ASNS: variants seen among roughly 807,000 people sequenced by gnomAD.
ASNS encodes the protein asparagine synthetase (glutamine-hydrolyzing).
Under a neutral mutation model 62.6 loss-of-function variants are expected in ASNS, and 37 were observed. The ratio of observed to expected loss-of-function variants is 0.59; its 90% CI spans 0.45 to 0.78. ASNS has a LOEUF of 0.78. Among genes scored for constraint, ASNS ranks in the 30% least tolerant of loss-of-function variants. The pLI is 0.00. For missense variants in ASNS, 520 were observed against 682.4 expected (o/e 0.76, Z 2.65); for synonymous variants, 207 against 237.9 (o/e 0.87, Z 1.19).
the ASNS span, among the ~76,000 whole-genome samples, chr7:97,879,365 C>G: frequency 6.6e-6 from 1 of 152,196 alleles, no homozygotes; most frequent in African/African-American, 2.4e-5. Flanking sequence ...AGGTAACCTA[C>G]AGAATGGGAG....
intron 10 of ASNS, among the ~76,000 whole-genome samples, chr7:97,853,742 ACTAG>A (rs1791299219): frequency 6.6e-6 from 1 of 152,210 alleles, no homozygotes. Flanking sequence ...CTCAGTGTTT[ACTAG>A]GTGAGACCAT....
chr7:97,884,411 T>C, the ASNS span, among the ~76,000 whole-genome samples: 8 of 152,106 alleles, frequency 5.3e-5, no homozygotes, highest in Non-Finnish European at 8.8e-5. Flanking sequence ...TAGCCAGGTG[T>C]GGTGGATGGC....
the ASNS span, among the ~76,000 whole-genome samples, chr7:97,920,676 A>T: frequency 6.6e-6 from 1 of 152,274 alleles, no homozygotes; most frequent in East Asian, 1.9e-4. Context: ...CTGTCACCTC[A>T]GTGCAGTTGC....
chr7:97,876,617 G>A (rs1432854089), upstream of ASNS, among the ~76,000 whole-genome samples: 14 of 151,764 alleles, frequency 9.2e-5, no homozygotes, highest in Admixed American at 2.6e-4. Flanking sequence ...TAGTAGAGAC[G>A]GGGTTTCACC....
At chr7:97,884,770 C>A in the ASNS span, among the ~76,000 whole-genome samples, 9 of 152,102 alleles carry the variant, frequency 5.9e-5, no homozygotes, top group African/African-American at 2.2e-4. Flanking sequence ...TTAAAGTGAA[C>A]AAATCAATGG....
At chr7:97,854,725 A>G in intron 9 of ASNS, 45 bp from the exon 10 acceptor site, 3 of 1,612,908 alleles carry the variant, frequency 1.9e-6, no homozygotes, top group Non-Finnish European at 2.5e-6. Flanking sequence ...TTTGGCACAC[A>G]AAGCAGTTTT....
At chr7:97,928,237 T>C in the ASNS span, 1 of 1,528,252 alleles carries the variant, frequency 6.5e-7, no homozygotes, top group Non-Finnish European at 8.7e-7. Flanking sequence ...TCCTCCCTCC[T>C]GGGCCGGCCA....
At chr7:97,881,995 G>A in the ASNS span, among the ~76,000 whole-genome samples, 3 of 152,018 alleles carry the variant, frequency 2.0e-5, no homozygotes, top group African/African-American at 4.8e-5. Context: ...GGGATTACAG[G>A]CATGTACCAC....
chr7:97,859,627 G>C (rs1198358719), intron 4 of ASNS, among the ~76,000 whole-genome samples: 1 of 152,042 alleles, frequency 6.6e-6, no homozygotes, highest in East Asian at 1.9e-4. Context: ...CTAACTTTTC[G>C]TAATTCAAAG....
the ASNS span, among the ~76,000 whole-genome samples, chr7:97,907,285 TA>T: frequency 6.6e-6 from 1 of 152,264 alleles, no homozygotes; most frequent in African/African-American, 2.4e-5. Flanking sequence ...GTTTCTCTTT[TA>T]CTGTATTTAT....
At chr7:97,895,962 T>A in the ASNS span, among the ~76,000 whole-genome samples, 1 of 143,102 alleles carries the variant, frequency 7.0e-6, no homozygotes, top group Admixed American at 6.8e-5. Context: ...ATAAAATACC[T>A]AGGAATAAAC....
the ASNS span, among the ~76,000 whole-genome samples, chr7:97,888,574 G>A: frequency 7.2e-5 from 11 of 152,074 alleles, no homozygotes; most frequent in Non-Finnish European, 1.2e-4. Context: ...AAATATTACC[G>A]TTTGCATCTT....
intron 4 of ASNS, among the ~76,000 whole-genome samples, chr7:97,861,696 C>A (rs1296268534): frequency 6.6e-6 from 1 of 152,162 alleles, no homozygotes; most frequent in East Asian, 1.9e-4. Flanking sequence ...GTAGATTTCA[C>A]AAAGAACTCA....
chr7:97,851,998 G>A lies in ASNS; in HGVS notation c.*261C>T, dbSNP rs1404607596. The A allele has an allele frequency of 1.1e-5, 5 of 457,744 alleles. No individual in the cohort carries two copies. Among genetic ancestry groups the A allele is most frequent in the African/African-American group, 7.9e-5 (4 of 50,842 alleles). The allele number at this position is 457,744 out of a possible 1,614,324, so 28.4% of individuals were successfully genotyped here. ...AAAGCAGCTCTGCCAGGAGAGGGCT[G>A]TGAGTTCTTGCAGACATCTGATCAT... On this transcript the variant is annotated 3_prime_UTR_variant, in exon 13 of 13. Transcript: ENST00000394308.
chr7:97,917,350 T>C, the ASNS span, among the ~76,000 whole-genome samples: 3 of 151,922 alleles, frequency 2.0e-5, no homozygotes, highest in Non-Finnish European at 4.4e-5. Context: ...ACGGCCGTGC[T>C]CACACACGTG....
At chr7:97,854,273 T>A (rs1482480456) in intron 10 of ASNS, among the ~76,000 whole-genome samples, 1 of 152,182 alleles carries the variant, frequency 6.6e-6, no homozygotes, top group Admixed American at 6.5e-5. Flanking sequence ...TCTTGGTTGT[T>A]CAGATGTGAG....
At chr7:97,921,745 T>G in the ASNS span, among the ~76,000 whole-genome samples, 1 of 152,194 alleles carries the variant, frequency 6.6e-6, no homozygotes, top group African/African-American at 2.4e-5. Flanking sequence ...GAAAGCACTG[T>G]GGAAGGATAG....
chr7:97,884,288 C>G, the ASNS span, among the ~76,000 whole-genome samples: 3 of 152,206 alleles, frequency 2.0e-5, no homozygotes, highest in Non-Finnish European at 2.9e-5. Flanking sequence ...GTGGCTCACG[C>G]CTGTAATCTC....
intron 4 of ASNS, among the ~76,000 whole-genome samples, chr7:97,860,374 A>G (rs1180117751): frequency 6.6e-6 from 1 of 152,230 alleles, no homozygotes; most frequent in Non-Finnish European, 1.5e-5. Context: ...GGAATTTCAG[A>G]GGGTAAGTTC....
Sources: gnomAD v4.1 joint callset for allele counts (sites outside exome capture counted in the v4.1 genomes callset) on GRCh38, gnomAD v4.1.1 for gene constraint, MANE v1.5 for transcripts, NCBI Gene and HGNC (gene_info 2026-07-23, HGNC 2026-07-21) for gene names.